The following TMEM223 variants were observed in gnomAD, a reference collection of about 807,000 sequenced individuals.
TMEM223 encodes transmembrane protein 223.
TMEM223 carries 14 observed loss-of-function variants against 14.1 expected under a neutral mutation model. That is an observed-to-expected ratio of 0.99 (90% CI 0.66 to 1.55). TMEM223 has a LOEUF of 1.55. Among genes scored for constraint, TMEM223 ranks in the 40% most tolerant of loss-of-function variants. TMEM223 has a pLI of 0.00. For missense variants in TMEM223, 346 were observed against 269.9 expected (o/e 1.28, Z -1.97); for synonymous variants, 145 against 120.5 (o/e 1.20, Z -1.33).
At chr11:62,789,064 C>T, downstream of TMEM223, 2 of 1,614,188 alleles carry the variant, frequency 1.2e-6, no homozygotes, top group Non-Finnish European at 8.5e-7. Context: ...GTGTGGCCAC[C>T]CTGAATGGCT....
chr11:62,786,567 CAG>C, downstream of TMEM223: 3 of 1,568,058 alleles, frequency 1.9e-6, no homozygotes, highest in South Asian at 1.2e-5. Flanking sequence ...CAGAGCCCAA[CAG>C]GGGTGGCCCA....
intron 1 of TMEM223, among the ~76,000 whole-genome samples, chr11:62,780,900 G>A (rs2084224134): frequency 7.0e-6 from 1 of 143,264 alleles, no homozygotes; most frequent in African/African-American, 2.6e-5. Flanking sequence ...TCGCGCCACC[G>A]CACTCCAGCC....
chr11:62,790,901 C>CGA lies in TMEM223; in HGVS notation c.329_330dup (p.Gly111SerfsTer24). ...CGGAGAGAGAAGAGAAGACCAGCAC[C>CGA]GAGTACGAGGGCTCCTGCAGGCAGG... On this transcript the variant is annotated frameshift_variant, in exon 2 of 2. Transcript: ENST00000307366. LOFTEE classifies it high-confidence loss of function. 6.3e-7 allele frequency: 1 copy of CGA among 1,582,664 alleles called. No individual in the cohort carries two copies. Among genetic ancestry groups the CGA allele is most frequent in the Non-Finnish European group, 8.6e-7 (1 of 1,160,270 alleles).
downstream of TMEM223, among the ~76,000 whole-genome samples, chr11:62,783,381 C>T (rs941498510): frequency 6.6e-6 from 1 of 151,644 alleles, no homozygotes; most frequent in South Asian, 2.1e-4. Context: ...ACTCGGGAGG[C>T]TGAGGCAGGA....
downstream of TMEM223, chr11:62,789,904 T>A (rs757770845): frequency 8.7e-5 from 141 of 1,613,716 alleles, no homozygotes; most frequent in Non-Finnish European, 8.4e-5. Context: ...TTGGGTGAAT[T>A]TGGTATTGTG....
intron 1 of TMEM223, chr11:62,775,821 C>G: frequency 6.2e-7 from 1 of 1,612,664 alleles, no homozygotes. Flanking sequence ...GTGGAGATCC[C>G]TCGGGAGTCT....
intron 1 of TMEM223, chr11:62,778,596 C>T: frequency 1.6e-6 from 1 of 616,726 alleles, no homozygotes; most frequent in Non-Finnish European, 2.9e-6. Flanking sequence ...GTTTCACCCC[C>T]AGGGTATGCT....
chr11:62,784,241 G>A (rs1415424496), downstream of TMEM223, among the ~76,000 whole-genome samples: 2 of 150,590 alleles, frequency 1.3e-5, no homozygotes, highest in Admixed American at 6.6e-5. Context: ...GCCCGCCTCG[G>A]CTTCCCAAAG....
intron 1 of TMEM223, 56 bp downstream of exon 1, chr11:62,791,622 GA>G: frequency 1.4e-6 from 2 of 1,469,144 alleles, no homozygotes; most frequent in Non-Finnish European, 1.8e-6. Context: ...CCTGTATAGG[GA>G]AGGTCGTGTC....
chr11:62,786,851 C>G, downstream of TMEM223: 1 of 1,595,760 alleles, frequency 6.3e-7, no homozygotes, highest in Non-Finnish European at 8.5e-7. Flanking sequence ...AAGAAGGAGC[C>G]GGCGGCAGCC....
rs551714648 is a variant in TMEM223, at chr11:62,778,214, A to T, written c.315-3549T>A. 190 of 1,613,578 alleles carry T rather than the reference A, an allele frequency of 1.2e-4. No individual in the cohort carries two copies. The African/African-American group carries it at 2.3e-3, about 19-fold the overall frequency. ...ATGGGCTGGCTGGTGGAAGAGGCAG[A>T]ACTTGGAGGGGTAGGCGGTACTCTA... is the stretch of plus-strand genomic sequence containing the variant. On this transcript the variant is annotated intron_variant, in intron 1 of 2. Transcript: ENST00000528367.
chr11:62,786,365 C>T (rs1336647551), downstream of TMEM223: 1 of 1,614,152 alleles, frequency 6.2e-7, no homozygotes, highest in Non-Finnish European at 8.5e-7. Context: ...AGCAGATGGA[C>T]ACAAAGTCTA....
At chr11:62,789,560 A>C (rs770374395), downstream of TMEM223, 3 of 1,554,744 alleles carry the variant, frequency 1.9e-6, no homozygotes, top group African/African-American at 4.1e-5. Flanking sequence ...CTCGGATATA[A>C]ACTATCACGC....
chr11:62,778,704 GT>G (rs2084204928), intron 1 of TMEM223: 1 of 657,064 alleles, frequency 1.5e-6, no homozygotes, highest in South Asian at 1.8e-5. Context: ...AGCCTAGATG[GT>G]CAGGGCTGAG....
At chr11:62,786,804 C>T, downstream of TMEM223, 1 of 1,609,112 alleles carries the variant, frequency 6.2e-7, no homozygotes, top group African/African-American at 1.3e-5. Flanking sequence ...TTGGCACCGG[C>T]CAGCCTGCAC....
downstream of TMEM223, chr11:62,786,616 T>TG: frequency 6.3e-7 from 1 of 1,595,996 alleles, no homozygotes; most frequent in Non-Finnish European, 8.5e-7. Flanking sequence ...CGACCTGCCA[T>TG]GGGACAGCCT....
At chr11:62,789,631 A>AC, downstream of TMEM223, 1 of 1,546,400 alleles carries the variant, frequency 6.5e-7, no homozygotes, top group Non-Finnish European at 8.7e-7. Flanking sequence ...TTCCATGGAC[A>AC]CCCCCTGGAA....
chr11:62,789,330 C>G (rs1203646081), downstream of TMEM223: 1 of 1,614,032 alleles, frequency 6.2e-7, no homozygotes, highest in South Asian at 1.1e-5. Flanking sequence ...GCCATCTCAG[C>G]TATAGCCGTC....
chr11:62,782,053 G>T, intron 1 of TMEM223: 1 of 1,590,996 alleles, frequency 6.3e-7, no homozygotes, highest in East Asian at 2.2e-5. Flanking sequence ...AGTGCTGTCA[G>T]AATGGTGGGC....
Sources: allele counts gnomAD v4.1 joint callset (sites outside exome capture counted in the v4.1 genomes callset), GRCh38; gene constraint gnomAD v4.1.1; transcripts MANE v1.5; gene names NCBI Gene and HGNC (gene_info 2026-07-23, HGNC 2026-07-21).